LRRC28: variants seen among roughly 807,000 people sequenced by gnomAD.
LRRC28 encodes leucine-rich repeat-containing protein 28.
In LRRC28, 39 loss-of-function variants were observed where a neutral mutation model predicts 45.7. That is an observed-to-expected ratio of 0.85 (90% CI 0.66 to 1.12). The LOEUF (loss-of-function observed/expected upper bound fraction) is 1.12. Ranked by LOEUF, LRRC28 falls within the 50% of genes most tolerant of loss-of-function variation. The pLI, the probability that LRRC28 is intolerant of heterozygous loss-of-function variation, is 0.00. For synonymous variants in LRRC28, 206 were observed against 178.8 expected (o/e 1.15, Z -1.22); for missense variants, 435 against 438.5 (o/e 0.99, Z 0.07).
intron 9 of LRRC28, among the ~76,000 whole-genome samples, chr15:99,375,651 T>TA (rs1362164546): frequency 6.6e-6 from 1 of 152,192 alleles, no homozygotes; most frequent in Non-Finnish European, 1.5e-5. Flanking sequence ...TTAATGGTTG[T>TA]AGGACTATTC....
At chr15:99,316,715 TA>T (rs142753859) in intron 5 of LRRC28, among the ~76,000 whole-genome samples, 90 of 145,276 alleles carry the variant, frequency 6.2e-4, no homozygotes, top group African/African-American at 1.9e-3. Flanking sequence ...AGAAAACTCT[TA>T]AAAAAAAAAA....
chr15:99,358,544 G>A (rs1957110382), intron 7 of LRRC28, among the ~76,000 whole-genome samples: 1 of 152,106 alleles, frequency 6.6e-6, no homozygotes, highest in Admixed American at 6.6e-5. Context: ...ATAAAGTATT[G>A]TAATCAAAAC....
chr15:99,266,840 C>T (rs2081345078), intron 2 of LRRC28, among the ~76,000 whole-genome samples: 1 of 152,172 alleles, frequency 6.6e-6, no homozygotes, highest in Admixed American at 6.5e-5. Flanking sequence ...ATCCTCAGGA[C>T]AATCCTGTGA....
chr15:99,345,624 G>A (rs1029951924), intron 6 of LRRC28, among the ~76,000 whole-genome samples: 1 of 152,160 alleles, frequency 6.6e-6, no homozygotes, highest in Non-Finnish European at 1.5e-5. Context: ...TTTTATGCAA[G>A]TGGATTCTGG....
In LRRC28 at chr15:99,387,281, C is replaced by G. The variant is rs544698210; in HGVS notation, c.*1179C>G. The G allele has an allele frequency of 6.6e-5, 10 of 151,648 alleles. No homozygotes were observed. The highest frequency in any genetic ancestry group is 2.1e-4 in the South Asian group (1 of 4,784). The allele number at this position is 151,648 out of a possible 1,614,324, so 9.4% of individuals were successfully genotyped here. On this transcript the variant is annotated 3_prime_UTR_variant, in exon 10 of 10. Transcript: ENST00000301981. ...TTCACCGTGTTAGCCGGGATGGTCT[C>G]GATCTCCTGACCTCGTGATCCGCAC...
intron 9 of LRRC28, among the ~76,000 whole-genome samples, chr15:99,378,166 T>C (rs1957701970): frequency 6.6e-6 from 1 of 152,242 alleles, no homozygotes; most frequent in Admixed American, 6.5e-5. Flanking sequence ...TGATTCTTCC[T>C]ATCCATGAGC....
intron 9 of LRRC28, among the ~76,000 whole-genome samples, chr15:99,374,772 A>G (rs59855164): frequency 0.16 from 23,581 of 150,834 alleles, 1,891 homozygotes; most frequent in African/African-American, 0.17. Flanking sequence ...GGTTCACACC[A>G]TTCTCCTGCC....
Position 99,334,036 on chromosome 15 carries a change from A to T in LRRC28, c.499A>T (p.Asn167Tyr). 1 of 1,614,120 alleles carries T rather than the reference A, an allele frequency of 6.2e-7. No individual in the cohort carries two copies. Among genetic ancestry groups the T allele is most frequent in the South Asian group, 1.1e-5 (1 of 91,086 alleles). The change falls in exon 6 of 10, where the codon AAT becomes TAT. Residue 167 changes from asparagine to tyrosine, a missense_variant. Coordinates refer to ENST00000301981, the MANE Select transcript of LRRC28 (RefSeq NM_144598.5). ...TCTGCAGTACCTCACTGTGGACCGA[A>T]ATCGTCTATGGTATGTGCCGCGCCA... ...LSLQYLTVDR[N>Y]RLWYVPRHLC... is the part of the protein sequence containing the mutation.
intron 5 of LRRC28, among the ~76,000 whole-genome samples, chr15:99,316,915 G>A (rs1955615441): frequency 6.6e-6 from 1 of 151,962 alleles, no homozygotes; most frequent in South Asian, 2.1e-4. Flanking sequence ...ATAGCTCACT[G>A]CAGCCTCAAA....
intron 9 of LRRC28, among the ~76,000 whole-genome samples, chr15:99,373,649 C>T (rs531930853): frequency 6.0e-4 from 91 of 152,184 alleles, no homozygotes; most frequent in Admixed American, 1.5e-3. Context: ...ACCCATTAAC[C>T]GTTACCCAGC....
chr15:99,332,784 T>C (rs1489935052), intron 5 of LRRC28, among the ~76,000 whole-genome samples: 1 of 152,200 alleles, frequency 6.6e-6, no homozygotes, highest in Non-Finnish European at 1.5e-5. Context: ...AGAAGACTCT[T>C]ACCCAGTAGA....
chr15:99,315,052 A>G (rs1274636996), intron 5 of LRRC28, among the ~76,000 whole-genome samples: 1 of 152,216 alleles, frequency 6.6e-6, no homozygotes, highest in Admixed American at 6.5e-5. Flanking sequence ...CCAAAGGAAT[A>G]AAATAGTAAA....
At position 99,387,770 on chromosome 15, in the gene LRRC28, A is replaced by T. The variant is rs767650793; in HGVS notation, c.*1668A>T. 1.8e-4 allele frequency: 28 copies of T among 151,682 alleles called. No homozygotes were observed. The highest frequency in any genetic ancestry group is 1.5e-3 in the South Asian group (7 of 4,780). 9.4% of individuals were successfully genotyped at this position (151,682 alleles called of 1,614,324 possible). On this transcript the variant is annotated 3_prime_UTR_variant, in exon 10 of 10. Transcript: ENST00000301981. ...CAAGAATTTGCTTGGTAGAAAAATT[A>T]TTTTTTTTTAATTTCAGACTTATCA...
chr15:99,281,814 C>T (rs968271837), intron 3 of LRRC28, among the ~76,000 whole-genome samples: 1 of 152,144 alleles, frequency 6.6e-6, no homozygotes, highest in Non-Finnish European at 1.5e-5. Context: ...ATGAGCTTTC[C>T]AGGATCTCTC....
In LRRC28 at chr15:99,318,061, C is replaced by T. The variant is rs143443051; in HGVS notation, c.386-15862C>T. Among the ~76,000 whole-genome samples, 970 of 152,182 alleles carry T rather than the reference C, an allele frequency of 6.4e-3. 12 individuals are homozygous for T. Among genetic ancestry groups the T allele is most frequent in the African/African-American group, 0.022 (911 of 41,548 alleles). Reference sequence around the variant, plus strand: ...GAATAAACAGAAATCTGAAGAAATACGTTTTTATGTGTTCTCATTAGAAGC... The same window carrying T: ...GAATAAACAGAAATCTGAAGAAATATGTTTTTATGTGTTCTCATTAGAAGC... On this transcript the variant is annotated intron_variant, in intron 5 of 9. Transcript: ENST00000301981.
intron 7 of LRRC28, chr15:99,354,081 C>T (rs1415590509): frequency 6.6e-6 from 1 of 152,076 alleles, no homozygotes; most frequent in African/African-American, 2.4e-5. Flanking sequence ...TATCAAACAA[C>T]CAGTTTTCTA....
chr15:99,347,934 A>G (rs1015819198), intron 6 of LRRC28, among the ~76,000 whole-genome samples: 2 of 152,190 alleles, frequency 1.3e-5, no homozygotes, highest in Admixed American at 1.3e-4. Flanking sequence ...ACCCTCAGCA[A>G]CATTTGTTAT....
chr15:99,308,263 G>A (rs888358558), intron 5 of LRRC28, among the ~76,000 whole-genome samples: 3 of 152,112 alleles, frequency 2.0e-5, no homozygotes, highest in Non-Finnish European at 2.9e-5. Flanking sequence ...TCGAGACAAT[G>A]CTAGGTCTTC....
chr15:99,366,018 A>G (rs1957331128), intron 9 of LRRC28, among the ~76,000 whole-genome samples: 1 of 152,234 alleles, frequency 6.6e-6, no homozygotes, highest in Admixed American at 6.5e-5. Flanking sequence ...TTTCCCAAGC[A>G]TGTATGGGTC....
Sources: gnomAD v4.1 joint callset for allele counts (sites outside exome capture counted in the v4.1 genomes callset) on GRCh38, gnomAD v4.1.1 for gene constraint, MANE v1.5 for transcripts, NCBI Gene and HGNC (gene_info 2026-07-23, HGNC 2026-07-21) for gene names.